Variants in CCDC144A observed in about 807,000 individuals in gnomAD.
CCDC144A encodes the protein coiled-coil domain containing 144A.
A neutral mutation model predicts 143.8 loss-of-function variants in CCDC144A; 41 were observed. The ratio of observed to expected loss-of-function variants is 0.29; its 90% CI spans 0.22 to 0.37. The LOEUF (loss-of-function observed/expected upper bound fraction) is 0.37. Among genes scored for constraint, CCDC144A ranks in the 10% least tolerant of loss-of-function variants. The pLI, the probability that CCDC144A is intolerant of heterozygous loss-of-function variation, is 1.00. For missense variants in CCDC144A, 637 were observed against 1,488.8 expected, an observed-to-expected ratio of 0.43 and a Z score of 9.41; for synonymous variants, 242 against 517.9, an observed-to-expected ratio of 0.47 and a Z score of 7.23.
intron 15 of CCDC144A, among the ~76,000 whole-genome samples, chr17:16,769,543 C>T (rs1157999252): frequency 1.3e-5 from 2 of 152,180 alleles, no homozygotes; most frequent in African/African-American, 2.4e-5. Flanking sequence ...TCCTAAACCA[C>T]GTCTTATTTG....
chr17:16,701,632 C>A (rs1378815927), intron 2 of CCDC144A, among the ~76,000 whole-genome samples: 2 of 149,076 alleles, frequency 1.3e-5, no homozygotes, highest in Non-Finnish European at 3.0e-5. Context: ...AATATTTAAA[C>A]AATAAAGTTC....
At chr17:16,749,616 T>C (rs1265963808) in intron 12 of CCDC144A, among the ~76,000 whole-genome samples, 1 of 152,224 alleles carries the variant, frequency 6.6e-6, no homozygotes, top group African/African-American at 2.4e-5. Context: ...ATTAGTCAAG[T>C]GTTAAATTTA....
At chr17:16,745,738 A>G in intron 12 of CCDC144A, 2 of 1,614,000 alleles carry the variant, frequency 1.2e-6, no homozygotes, top group Non-Finnish European at 1.7e-6. Flanking sequence ...CCTGGATCAT[A>G]CAGCTGCAAG....
intron 2 of CCDC144A, among the ~76,000 whole-genome samples, chr17:16,695,058 C>A (rs1911318705): frequency 6.6e-6 from 1 of 152,182 alleles, no homozygotes; most frequent in Admixed American, 6.6e-5. Context: ...ACATGTTAAT[C>A]AAAGAACTTC....
intron 6 of CCDC144A, among the ~76,000 whole-genome samples, chr17:16,713,159 AG>A (rs1912547217): frequency 6.6e-6 from 1 of 152,154 alleles, no homozygotes; most frequent in Admixed American, 6.5e-5. Context: ...TTTTGTAAAG[AG>A]CCAGTTAGTA....
chr17:16,682,966 A>G, the CCDC144A span, among the ~76,000 whole-genome samples: 1 of 127,252 alleles, frequency 7.9e-6, no homozygotes, highest in African/African-American at 3.0e-5. Flanking sequence ...CAGCGGCTCG[A>G]TCTCAGCTCA....
chr17:16,773,171 A>C (rs1168350189), intron 16 of CCDC144A, among the ~76,000 whole-genome samples: 2 of 152,026 alleles, frequency 1.3e-5, no homozygotes, highest in Non-Finnish European at 2.9e-5. Context: ...TTCTTTGGCC[A>C]GGCATGTTGG....
intron 11 of CCDC144A, among the ~76,000 whole-genome samples, chr17:16,732,876 A>G (rs2143239012): frequency 6.6e-6 from 1 of 151,290 alleles, no homozygotes; most frequent in East Asian, 1.9e-4. Flanking sequence ...ATTTGTTTGC[A>G]AGAGTCAAGT....
intron 3 of CCDC144A, chr17:16,705,901 A>C: frequency 6.1e-6 from 1 of 163,828 alleles, no homozygotes; most frequent in Non-Finnish European, 1.3e-5. Flanking sequence ...AATATGGTGA[A>C]ACCCCATCTC....
chr17:16,672,226 C>T, the CCDC144A span, among the ~76,000 whole-genome samples: 3 of 152,090 alleles, frequency 2.0e-5, no homozygotes, highest in Admixed American at 6.6e-5. Context: ...TGATGTGTGA[C>T]ATCAATTGCA....
chr17:16,763,854 A>T, intron 14 of CCDC144A, 111 bp from the exon 15 acceptor site: 1 of 1,260,040 alleles, frequency 7.9e-7, no homozygotes, highest in South Asian at 1.7e-5. Context: ...AACACGGCTT[A>T]TGGTATATTC....
At chr17:16,699,374 CT>C (rs199587444) in intron 2 of CCDC144A, among the ~76,000 whole-genome samples, 2,074 of 150,032 alleles carry the variant, frequency 0.014, 41 homozygotes, top group Admixed American at 0.054. Context: ...GTTTTTTGGA[CT>C]TTTTTTGTTG....
the CCDC144A span, chr17:16,684,277 G>A: frequency 7.4e-6 from 6 of 813,686 alleles, no homozygotes; most frequent in Non-Finnish European, 1.3e-5. Context: ...GACCAAATAA[G>A]CTAAGTTTAC....
intron 12 of CCDC144A, among the ~76,000 whole-genome samples, chr17:16,752,578 C>G (rs1914848882): frequency 7.4e-6 from 1 of 134,694 alleles, no homozygotes; most frequent in African/African-American, 2.9e-5. Flanking sequence ...CTTCTGGTCT[C>G]ATGGGGTTGA....
chr17:16,672,055 TAC>T, the CCDC144A span, among the ~76,000 whole-genome samples: 1 of 152,084 alleles, frequency 6.6e-6, no homozygotes, highest in Non-Finnish European at 1.5e-5. Context: ...CGTTTTGTAA[TAC>T]ACATCCCCCC....
chr17:16,683,469 G>A, the CCDC144A span: 3 of 1,349,590 alleles, frequency 2.2e-6, no homozygotes, highest in Non-Finnish European at 3.1e-6. Flanking sequence ...CGGCAGAGTC[G>A]CCTTGGCCGC....
the CCDC144A span, among the ~76,000 whole-genome samples, chr17:16,670,729 C>T: frequency 6.6e-6 from 1 of 151,756 alleles, no homozygotes; most frequent in African/African-American, 2.4e-5. Context: ...GGCTGATCTC[C>T]AATTCCTGAG....
At chr17:16,747,002 T>C (rs897754680) in intron 12 of CCDC144A, among the ~76,000 whole-genome samples, 2 of 151,608 alleles carry the variant, frequency 1.3e-5, no homozygotes, top group Non-Finnish European at 2.9e-5. Context: ...TCTAATAGTG[T>C]ATTTCTTAGG....
chr17:16,709,679 A>G (rs777966356), intron 5 of CCDC144A, 44 bp downstream of exon 5: 22 of 1,586,984 alleles, frequency 1.4e-5, no homozygotes, highest in Non-Finnish European at 1.8e-5. Context: ...TCTCTCAATT[A>G]TCTGGTCCAT....
Sources: allele counts gnomAD v4.1 joint callset (sites outside exome capture counted in the v4.1 genomes callset), GRCh38; gene constraint gnomAD v4.1.1; transcripts MANE v1.5; gene names NCBI Gene and HGNC (gene_info 2026-07-23, HGNC 2026-07-21).